SLC4A10: variants seen among roughly 807,000 people sequenced by gnomAD.
SLC4A10 encodes the protein sodium-driven chloride bicarbonate exchanger.
Under a neutral mutation model 137.7 loss-of-function variants are expected in SLC4A10, and 42 were observed. The ratio of observed to expected loss-of-function variants is 0.30; its 90% confidence interval spans 0.24 to 0.39. The LOEUF is 0.39. Ranked by LOEUF, SLC4A10 falls within the 10% of genes least tolerant of loss-of-function variation. SLC4A10 has a pLI of 1.00. For missense variants in SLC4A10, 925 were observed against 1,355.0 expected, an observed-to-expected ratio of 0.68 and a Z score of 4.98; for synonymous variants, 474 against 464.1, an observed-to-expected ratio of 1.02 and a Z score of -0.27.
intron 1 of SLC4A10, among the ~76,000 whole-genome samples, chr2:161,738,002 G>A (rs185307411): frequency 0.011 from 1,722 of 152,254 alleles, 8 homozygotes; most frequent in South Asian, 0.027. Flanking sequence ...ACTGGATCCA[G>A]GTCAGTTAGT....
At chr2:161,797,137 A>G (rs951499685) in intron 2 of SLC4A10, among the ~76,000 whole-genome samples, 8 of 152,154 alleles carry the variant, frequency 5.3e-5, no homozygotes, top group Non-Finnish European at 1.2e-4. Context: ...TTTTAAAATA[A>G]TAGTGAAATT....
intron 1 of SLC4A10, among the ~76,000 whole-genome samples, chr2:161,764,091 A>G (rs999949366): frequency 2.0e-5 from 3 of 152,132 alleles, no homozygotes; most frequent in Admixed American, 6.6e-5. Flanking sequence ...ATAGTAAAAG[A>G]GTGGTGGCTA....
chr2:161,940,206 C>G lies in SLC4A10; in HGVS notation c.1998-2586C>G, dbSNP rs189342676. 2.0e-5 allele frequency among the ~76,000 whole-genome samples: 3 copies of G among 152,288 alleles called. No homozygotes were observed. In the East Asian group the frequency reaches 5.8e-4, roughly 29 times the overall value. ...TTCCTCTCCTCCCAGCTCAGCATGA[C>G]AGAAGCTTAACTCTGGACAAGAACA... On this transcript the variant is annotated intron_variant, in intron 15 of 26. Transcript: ENST00000446997.
intron 3 of SLC4A10, among the ~76,000 whole-genome samples, chr2:161,807,193 C>G (rs530742644): frequency 1.3e-4 from 20 of 152,290 alleles, no homozygotes; most frequent in Non-Finnish European, 2.9e-4. Context: ...CACCAGGTCC[C>G]TCCCACAACA....
chr2:161,836,044 A>T (rs573644047), intron 3 of SLC4A10, among the ~76,000 whole-genome samples: 94 of 152,342 alleles, frequency 6.2e-4, no homozygotes, highest in African/African-American at 2.2e-3. Flanking sequence ...GGTTAGATTT[A>T]TCCGTGACTG....
At chr2:161,705,516 C>T (rs1399649) in intron 1 of SLC4A10, among the ~76,000 whole-genome samples, 151,742 of 151,744 alleles carry the variant, frequency 1, 75,870 homozygotes, top group Non-Finnish European at 1. Flanking sequence ...CCTCAATGTA[C>T]GCTTTTTACT....
In SLC4A10 at chr2:161,824,815, C is replaced by T. The variant is rs373085612; in HGVS notation, c.278-14974C>T. ...AAACAGTTTTAGAGAAATGAAAAAG[C>T]GAAAAGGTCAGAAATTACAATTTAT... On this transcript the variant is annotated intron_variant, in intron 3 of 26. Transcript: ENST00000446997. 1.8e-4 allele frequency among the ~76,000 whole-genome samples: 27 copies of T among 152,146 alleles called. No homozygotes were observed. The East Asian group carries it at 4.5e-3, about 25-fold the overall frequency.
intron 18 of SLC4A10, among the ~76,000 whole-genome samples, chr2:161,950,124 A>G (rs1341743427): frequency 6.6e-6 from 1 of 151,716 alleles, no homozygotes; most frequent in Non-Finnish European, 1.5e-5. Flanking sequence ...TATCATTTTC[A>G]CTCAATAGCC....
At chr2:161,772,956 G>T (rs1451889373) in intron 2 of SLC4A10, among the ~76,000 whole-genome samples, 3 of 151,846 alleles carry the variant, frequency 2.0e-5, no homozygotes, top group Non-Finnish European at 2.9e-5. Context: ...GCAAGAATCA[G>T]CTGGCAGCAG....
intron 2 of SLC4A10, among the ~76,000 whole-genome samples, chr2:161,786,413 A>G (rs180802478): frequency 1.4e-4 from 22 of 151,950 alleles, no homozygotes; most frequent in Non-Finnish European, 2.7e-4. Context: ...ATTTCTGTTC[A>G]AAGTTAATAT....
chr2:161,723,018 T>C (rs1318577739), intron 1 of SLC4A10, among the ~76,000 whole-genome samples: 1 of 152,128 alleles, frequency 6.6e-6, no homozygotes, highest in Non-Finnish European at 1.5e-5. Context: ...TCAGTATCCC[T>C]AGCACTGGTA....
chr2:161,770,176 T>C (rs984642030), intron 1 of SLC4A10, among the ~76,000 whole-genome samples: 4 of 151,932 alleles, frequency 2.6e-5, no homozygotes, highest in African/African-American at 9.7e-5. Context: ...TGTGCACAGC[T>C]AGATAAAAGT....
At chr2:161,921,799 A>G (rs1575651681) in intron 15 of SLC4A10, among the ~76,000 whole-genome samples, 1 of 152,218 alleles carries the variant, frequency 6.6e-6, no homozygotes, top group African/African-American at 2.4e-5. Context: ...CTTAAAGCTC[A>G]TAAACTTTCT....
chr2:161,971,001 T>G (rs1046418689), intron 23 of SLC4A10, among the ~76,000 whole-genome samples: 5 of 152,222 alleles, frequency 3.3e-5, no homozygotes, highest in Admixed American at 3.3e-4. Flanking sequence ...ACCTGGAGTT[T>G]CTTCCCACCT....
chr2:161,894,707 A>G lies in SLC4A10; in HGVS notation c.1223A>G (p.Lys408Arg). 1 of 1,434,704 alleles carries G rather than the reference A, an allele frequency of 7.0e-7. No individual in the cohort carries two copies. The highest frequency in any genetic ancestry group is 9.2e-7 in the Non-Finnish European group (1 of 1,084,544). The allele number at this position is 1,434,704 out of a possible 1,614,324, so 88.9% of individuals were successfully genotyped here. Residue 408 changes from lysine to arginine, a missense_variant, in exon 11 of 27, where the codon AAA becomes AGA. By Grantham distance (26) the Lys-to-Arg change is conservative. Around this residue, in one of 11 missense-constraint regions of SLC4A10, gnomAD observed 277 missense variants for 306.1 expected, o/e 0.90. Transcript: ENST00000446997. Reference protein sequence around the residue: ...EVFHDVAYKAKDRNDLVSGID... With the variant: ...EVFHDVAYKARDRNDLVSGID... ...TTTCATGATGTTGCCTATAAAGCTA[A>G]AGATCGTAATGACTTGGTATCAGGA...
At chr2:161,873,530 CAAA>C (rs759717096) in intron 7 of SLC4A10, among the ~76,000 whole-genome samples, 8 of 17,326 alleles carry the variant, frequency 4.6e-4, no homozygotes, top group South Asian at 5.1e-3. Context: ...GACCACATCT[CAAA>C]AAAAAAAAAA....
At chr2:161,732,016 T>C (rs2046870823) in intron 1 of SLC4A10, among the ~76,000 whole-genome samples, 1 of 152,182 alleles carries the variant, frequency 6.6e-6, no homozygotes, top group Non-Finnish European at 1.5e-5. Flanking sequence ...AAGATACCAA[T>C]GAAGAGATGC....
intron 1 of SLC4A10, among the ~76,000 whole-genome samples, chr2:161,685,204 C>T (rs2041253225): frequency 6.6e-6 from 1 of 152,148 alleles, no homozygotes; most frequent in African/African-American, 2.4e-5. Context: ...CTAATGATAG[C>T]TGCTACCATT....
chr2:161,923,180 A>G (rs1233267159), intron 15 of SLC4A10, among the ~76,000 whole-genome samples: 1 of 152,216 alleles, frequency 6.6e-6, no homozygotes, highest in Non-Finnish European at 1.5e-5. Flanking sequence ...CTCTGTAGCC[A>G]TTTATATAAA....
Sources: gnomAD v4.1 joint callset for allele counts (sites outside exome capture counted in the v4.1 genomes callset) on GRCh38, gnomAD v4.1.1 for gene constraint, gnomAD v4.1.1 regional missense constraint, MANE v1.5 for transcripts, NCBI Gene and HGNC (gene_info 2026-07-23, HGNC 2026-07-21) for gene names.